Variants in PPP2R1B observed in about 807,000 individuals in gnomAD.
The protein encoded by PPP2R1B is serine/threonine-protein phosphatase 2A 65 kDa regulatory subunit A beta isoform.
In PPP2R1B, 58 loss-of-function variants were observed where a neutral mutation model predicts 72.7. That is an observed-to-expected ratio of 0.80 (90% CI 0.65 to 0.99). The LOEUF is 0.99. PPP2R1B is among the 50% of genes least tolerant of loss of function. The pLI, the probability that PPP2R1B is intolerant of heterozygous loss-of-function variation, is 0.00. For missense variants in PPP2R1B, 695 were observed against 733.6 expected (o/e 0.95, Z 0.61); for synonymous variants, 256 against 264.6 (o/e 0.97, Z 0.32).
At chr11:111,741,674 AT>A in intron 14 of PPP2R1B, 62 bp from the exon 15 acceptor site, 1 of 1,539,988 alleles carries the variant, frequency 6.5e-7, no homozygotes, top group East Asian at 2.2e-5. Context: ...ATCTATGTGA[AT>A]ATTAAGCACA....
the PPP2R1B span, among the ~76,000 whole-genome samples, chr11:111,717,921 G>T: frequency 6.6e-6 from 1 of 152,110 alleles, no homozygotes; most frequent in Non-Finnish European, 1.5e-5. Context: ...CCTGTTAGGG[G>T]GGCAATGGGA....
the PPP2R1B span, chr11:111,720,105 C>T: frequency 7.9e-6 from 9 of 1,135,328 alleles, no homozygotes; most frequent in East Asian, 7.7e-5. Flanking sequence ...AAAATTGAGT[C>T]GATAGCTTAT....
Position 111,743,302 on chromosome 11 carries a change from G to A in PPP2R1B, c.1554+74C>T. ...TATTCCAAATAGAAGACAGTATACT[G>A]ATAATTCAGAAATAGTCATGAATAA... On this transcript the variant is annotated intron_variant, in intron 12 of 14. Transcript: ENST00000527614. 18 of 1,396,478 alleles carry A rather than the reference G, an allele frequency of 1.3e-5. No homozygotes were observed. The South Asian group carries it at 2.2e-4, about 17-fold the overall frequency. 86.5% of individuals were successfully genotyped at this position (1,396,478 alleles called of 1,614,324 possible).
At chr11:111,735,757 C>T (rs1944322075), downstream of PPP2R1B, among the ~76,000 whole-genome samples, 1 of 152,202 alleles carries the variant, frequency 6.6e-6, no homozygotes, top group African/African-American at 2.4e-5. Context: ...GGGCTCTCAA[C>T]AGCAGCGCGC....
At position 111,764,914 on chromosome 11, in the gene PPP2R1B, GACA is replaced by G. The variant is rs781869052; in HGVS notation, c.206-12_206-10del. 5 of 1,612,974 alleles carry G rather than the reference GACA, an allele frequency of 3.1e-6. No individual in the cohort carries two copies. Among genetic ancestry groups the G allele is most frequent in the South Asian group, 2.2e-5 (2 of 90,978 alleles). On this transcript the variant is annotated splice_polypyrimidine_tract_variant and intron_variant, in intron 2 of 14. Coordinates refer to ENST00000527614, the MANE Select transcript of PPP2R1B (RefSeq NM_002716.5). ...TTCATCATAAATTGTATCTGGAAGT[GACA>G]ACAACAGGACTCATCAACATGGATA... is the stretch of plus-strand genomic sequence containing the variant.
downstream of PPP2R1B, chr11:111,723,786 C>T: frequency 1.2e-6 from 2 of 1,614,034 alleles, no homozygotes; most frequent in Non-Finnish European, 1.7e-6. Flanking sequence ...GCTGCTCCTC[C>T]TCTGCCCACG....
chr11:111,757,661 C>A (rs921684773), intron 5 of PPP2R1B, among the ~76,000 whole-genome samples: 1 of 151,940 alleles, frequency 6.6e-6, no homozygotes, highest in Non-Finnish European at 1.5e-5. Flanking sequence ...CAGTGAAACC[C>A]CATCTGTACT....
the PPP2R1B span, chr11:111,701,614 G>A: frequency 2.3e-5 from 36 of 1,597,642 alleles, no homozygotes; most frequent in African/African-American, 1.5e-4. The surrounding 1 kb of genome is among the most constrained non-coding windows in gnomAD (Gnocchi z 4.2). Flanking sequence ...GTTTTACAGT[G>A]TTAGTGCTCC....
the PPP2R1B span, among the ~76,000 whole-genome samples, chr11:111,717,401 T>G: frequency 6.8e-6 from 1 of 146,540 alleles, no homozygotes; most frequent in Non-Finnish European, 1.5e-5. Context: ...AGATACTATC[T>G]CATGCCAGTC....
At chr11:111,743,618 C>A in intron 11 of PPP2R1B, 88 bp from the exon 12 acceptor site, 1 of 1,471,998 alleles carries the variant, frequency 6.8e-7, no homozygotes, top group Non-Finnish European at 9.1e-7. Flanking sequence ...CAAATGTGGA[C>A]CAAAAGCAAA....
At chr11:111,701,481 C>G in the PPP2R1B span, 1 of 1,613,838 alleles carries the variant, frequency 6.2e-7, no homozygotes, top group Non-Finnish European at 8.5e-7. The surrounding 1 kb of genome is among the most constrained non-coding windows in gnomAD (Gnocchi z 4.2). Context: ...ATGTCCTTGT[C>G]TGTGGAGCTC....
At chr11:111,722,723 C>T (rs748015077), downstream of PPP2R1B, 66 of 1,614,006 alleles carry the variant, frequency 4.1e-5, no homozygotes, top group Admixed American at 1.7e-4. The surrounding 1 kb of genome is among the most constrained non-coding windows in gnomAD (Gnocchi z 4.4). Flanking sequence ...AAAGAACCAC[C>T]GCGGAGCCTT....
the PPP2R1B span, among the ~76,000 whole-genome samples, chr11:111,692,889 G>A: frequency 6.6e-6 from 1 of 151,788 alleles, no homozygotes; most frequent in African/African-American, 2.4e-5. Flanking sequence ...TAGCCATCTT[G>A]TATATTGAAA....
chr11:111,696,887 T>TC, the PPP2R1B span, among the ~76,000 whole-genome samples: 11 of 151,970 alleles, frequency 7.2e-5, no homozygotes, highest in African/African-American at 1.4e-4. Context: ...CACATTTCAT[T>TC]CCCCCCCTAC....
At chr11:111,719,692 A>C in the PPP2R1B span, 1 of 1,365,964 alleles carries the variant, frequency 7.3e-7, no homozygotes, top group Non-Finnish European at 1.0e-6. Context: ...CTAGTTCGCC[A>C]CAAGTCTTGA....
chr11:111,723,436 A>G, downstream of PPP2R1B: 2 of 1,513,146 alleles, frequency 1.3e-6, no homozygotes, highest in East Asian at 4.5e-5. Context: ...TTGCATTTAC[A>G]TTAAAATTGC....
downstream of PPP2R1B, chr11:111,723,918 C>T: frequency 6.2e-7 from 1 of 1,613,830 alleles, no homozygotes; most frequent in Admixed American, 1.7e-5. Flanking sequence ...GCTGCTTCCC[C>T]TGCGCCAGAC....
chr11:111,722,783 G>T, downstream of PPP2R1B: 1 of 1,604,938 alleles, frequency 6.2e-7, no homozygotes, highest in Non-Finnish European at 8.5e-7. This position sits in a 1 kb window ranked among gnomAD's most constrained non-coding sequence, Gnocchi z 4.4. Context: ...GGCCAAAGAA[G>T]TTGCTTCCTT....
the PPP2R1B span, among the ~76,000 whole-genome samples, chr11:111,694,595 A>T: frequency 7.9e-5 from 12 of 152,222 alleles, no homozygotes; most frequent in South Asian, 2.1e-4. Context: ...AATATTTTTT[A>T]AAAATTTTTA....
Sources: allele counts gnomAD v4.1 joint callset (sites outside exome capture counted in the v4.1 genomes callset), GRCh38; gene constraint gnomAD v4.1.1; non-coding constraint Gnocchi (gnomAD v3.1); transcripts MANE v1.5; gene names NCBI Gene and HGNC (gene_info 2026-07-23, HGNC 2026-07-21).